The following CACNG2 variants were observed in gnomAD, a reference collection of about 807,000 sequenced individuals.
CACNG2 encodes calcium voltage-gated channel auxiliary subunit gamma 2.
CACNG2 carries 3 observed loss-of-function variants against 25.9 expected under a neutral mutation model. That is an observed-to-expected ratio of 0.12 (90% CI 0.05 to 0.30). The LOEUF is 0.30. Among genes scored for constraint, CACNG2 ranks in the 10% least tolerant of loss-of-function variants. The probability of loss-of-function intolerance (pLI) is 1.00; values close to 1 mark genes in which losing one functional copy is unlikely to be tolerated. For synonymous variants in CACNG2, 167 were observed against 173.3 expected, an observed-to-expected ratio of 0.96 and a Z score of 0.29; for missense variants, 341 against 432.5, an observed-to-expected ratio of 0.79 and a Z score of 1.88.
Position 36,590,509 on chromosome 22 carries a change from G to C in CACNG2, c.212-2961C>G, listed in dbSNP as rs1271734228. 3.3e-5 allele frequency among the ~76,000 whole-genome samples: 5 copies of C among 151,850 alleles called. No individual in the cohort carries two copies. The East Asian group carries it at 9.7e-4, about 30-fold the overall frequency. On this transcript the variant is annotated intron_variant, in intron 1 of 3. Transcript: ENST00000300105. ...ATCTATCTCTTCCTCCTCCCTGCAG[G>C]CTCCATCCATCAGGGCGTCCTGTCT...
At chr22:36,670,057 A>G (rs562434552) in intron 1 of CACNG2, among the ~76,000 whole-genome samples, 2 of 152,306 alleles carry the variant, frequency 1.3e-5, no homozygotes, top group South Asian at 2.1e-4. Flanking sequence ...CCAGGATCCA[A>G]TTCTCTCTGT....
At chr22:36,566,318 C>T in intron 3 of CACNG2, 35 bp downstream of exon 3, 1 of 1,611,294 alleles carries the variant, frequency 6.2e-7, no homozygotes, top group Non-Finnish European at 8.5e-7. Context: ...CCCCAGCCTT[C>T]TTCCCAGTGG....
Position 36,564,650 on chromosome 22 carries a change from G to C in CACNG2, c.673C>G (p.Arg225Gly), listed in dbSNP as rs1023763061. The change falls in exon 4 of 4, where the codon CGC becomes GGC. Residue 225 changes from arginine to glycine, a missense_variant. Arg to Gly is a moderately radical substitution (Grantham distance 125). This residue lies in a region of CACNG2 where 172 missense variants were observed against 178.1 expected (regional missense o/e 0.97). Coordinates refer to ENST00000300105, the MANE Select transcript of CACNG2 (RefSeq NM_006078.5). The surrounding 1 kb of genome is among the most constrained non-coding windows in gnomAD (Gnocchi z 6.7). ...TAGCGGTAGCGGTAGCTGGGGATGC[G>C]GGTGATGGCAGAGGCCTGGAGGTAG... ...TDYLQASAITRIPSYRYRYQR... is the reference protein window; with the variant it reads ...TDYLQASAITGIPSYRYRYQR... 20 of 1,613,788 alleles carry C rather than the reference G, an allele frequency of 1.2e-5. No individual in the cohort carries two copies. Among genetic ancestry groups the C allele is most frequent in the Non-Finnish European group, 1.7e-5 (20 of 1,180,008 alleles).
At chr22:36,643,516 CT>C (rs1936475418) in intron 1 of CACNG2, among the ~76,000 whole-genome samples, 1 of 151,374 alleles carries the variant, frequency 6.6e-6, no homozygotes, top group Admixed American at 6.6e-5. Flanking sequence ...ATCTATCTAT[CT>C]ATCTATCCAT....
intron 1 of CACNG2, among the ~76,000 whole-genome samples, chr22:36,676,969 T>TGTG (rs58195961): frequency 1.3e-5 from 2 of 151,090 alleles, no homozygotes; most frequent in African/African-American, 2.4e-5. Flanking sequence ...TGTGTGTGTG[T>TGTG]TTTAAAAATC....
chr22:36,662,384 G>A (rs1188880564), intron 1 of CACNG2, among the ~76,000 whole-genome samples: 3 of 152,122 alleles, frequency 2.0e-5, no homozygotes, highest in African/African-American at 7.2e-5. Context: ...TGATCTGCCA[G>A]TTCATTCACT....
At chr22:36,646,036 T>C (rs761936964) in intron 1 of CACNG2, among the ~76,000 whole-genome samples, 56 of 152,298 alleles carry the variant, frequency 3.7e-4, no homozygotes, top group Non-Finnish European at 6.5e-4. Context: ...AGACATAATC[T>C]GGAACAATTA....
intron 2 of CACNG2, among the ~76,000 whole-genome samples, chr22:36,586,959 T>C (rs60696175): frequency 0.063 from 8,592 of 135,812 alleles, 536 homozygotes; most frequent in African/African-American, 0.22. Context: ...ATCTCTCTCT[T>C]TTTTTTTTTT....
chr22:36,615,742 A>AC (rs1422090595), intron 1 of CACNG2, among the ~76,000 whole-genome samples: 3 of 149,426 alleles, frequency 2.0e-5, no homozygotes. Flanking sequence ...CATGACTGGC[A>AC]TGTAGCAGGT....
At chr22:36,686,578 G>T (rs550721967) in intron 1 of CACNG2, among the ~76,000 whole-genome samples, 3 of 152,338 alleles carry the variant, frequency 2.0e-5, no homozygotes, top group African/African-American at 7.2e-5. Flanking sequence ...AGCAGCAGAG[G>T]CTGTGACCCG....
intron 1 of CACNG2, among the ~76,000 whole-genome samples, chr22:36,590,525 C>T (rs1379730166): frequency 1.3e-5 from 2 of 152,186 alleles, no homozygotes; most frequent in South Asian, 2.1e-4. Context: ...TCCATCAGGG[C>T]GTCCTGTCTG....
At chr22:36,594,283 A>G (rs1023803567) in intron 1 of CACNG2, among the ~76,000 whole-genome samples, 2 of 152,220 alleles carry the variant, frequency 1.3e-5, no homozygotes, top group African/African-American at 4.8e-5. Context: ...AGGGGCAAAG[A>G]CAGATAGTAC....
intron 2 of CACNG2, chr22:36,584,866 A>G (rs1935474308): frequency 6.6e-6 from 1 of 152,270 alleles, no homozygotes; most frequent in Non-Finnish European, 1.5e-5. Flanking sequence ...AGCGGTGCAG[A>G]TGGGTTTGAC....
At chr22:36,607,979 C>T (rs946122564) in intron 1 of CACNG2, among the ~76,000 whole-genome samples, 2 of 152,152 alleles carry the variant, frequency 1.3e-5, no homozygotes, top group Non-Finnish European at 2.9e-5. Flanking sequence ...ATCTAGGGTG[C>T]AAAATTTAAG....
chr22:36,670,660 A>C (rs995887971), intron 1 of CACNG2, among the ~76,000 whole-genome samples: 2 of 138,790 alleles, frequency 1.4e-5, no homozygotes, highest in Non-Finnish European at 3.1e-5. Flanking sequence ...TTGAGACTGG[A>C]TCCCTCTGTT....
At chr22:36,692,110 T>C (rs1452216002) in intron 1 of CACNG2, among the ~76,000 whole-genome samples, 1 of 152,156 alleles carries the variant, frequency 6.6e-6, no homozygotes, top group African/African-American at 2.4e-5. Context: ...CAGTGGCTGG[T>C]CTCCAGTGAG....
intron 1 of CACNG2, among the ~76,000 whole-genome samples, chr22:36,662,462 T>C (rs751740887): frequency 2.0e-5 from 3 of 152,150 alleles, no homozygotes; most frequent in Non-Finnish European, 2.9e-5. Flanking sequence ...CACCCACACA[T>C]TGAAATCATG....
chr22:36,619,531 C>G (rs559983774), intron 1 of CACNG2, among the ~76,000 whole-genome samples: 2 of 152,202 alleles, frequency 1.3e-5, no homozygotes, highest in Non-Finnish European at 2.9e-5. Flanking sequence ...CTCTGTTTGT[C>G]TGCTAATGTT....
chr22:36,669,200 T>C (rs1243428336), intron 1 of CACNG2, among the ~76,000 whole-genome samples: 3 of 152,102 alleles, frequency 2.0e-5, no homozygotes, highest in Non-Finnish European at 4.4e-5. Flanking sequence ...GTCTAGACTC[T>C]GCCAGAAAGT....
Sources: allele counts gnomAD v4.1 joint callset (sites outside exome capture counted in the v4.1 genomes callset), GRCh38; gene constraint gnomAD v4.1.1; regional missense constraint gnomAD v4.1.1; non-coding constraint Gnocchi (gnomAD v3.1); transcripts MANE v1.5; gene names NCBI Gene and HGNC (gene_info 2026-07-23, HGNC 2026-07-21).